The following UBE2K variants were observed in gnomAD, a reference collection of about 807,000 sequenced individuals.
UBE2K encodes the protein ubiquitin conjugating enzyme E2 K, also known as ubiquitin-conjugating enzyme E2 K.
Under a neutral mutation model 30.0 loss-of-function variants are expected in UBE2K, and 6 were observed. The observed-to-expected ratio is 0.20, with a 90% CI of 0.11 to 0.39. The LOEUF is 0.39. Among genes scored for constraint, UBE2K ranks in the 10% least tolerant of loss-of-function variants. The probability of loss-of-function intolerance (pLI) is 1.00; values close to 1 mark genes in which losing one functional copy is unlikely to be tolerated. For missense variants in UBE2K, 61 were observed against 241.6 expected (o/e 0.25, Z 4.96); for synonymous variants, 86 against 83.7 (o/e 1.03, Z -0.15).
chr4:39,703,869 C>CT (rs1718177981), intron 1 of UBE2K, among the ~76,000 whole-genome samples: 1 of 144,666 alleles, frequency 6.9e-6, no homozygotes, highest in Admixed American at 7.0e-5. Context: ...AAAAAGAATA[C>CT]TTTGAGACTT....
chr4:39,770,671 G>T, intron 4 of UBE2K: 2 of 1,580,122 alleles, frequency 1.3e-6, no homozygotes, highest in Non-Finnish European at 8.6e-7. Context: ...CCCTGCGGTG[G>T]GGCCACAGTG....
At chr4:39,762,352 A>G (rs187798075) in intron 4 of UBE2K, among the ~76,000 whole-genome samples, 20 of 151,500 alleles carry the variant, frequency 1.3e-4, no homozygotes, top group African/African-American at 4.6e-4. Context: ...TTGACCCCCT[A>G]CTCCTGGTCT....
At chr4:39,773,475 TAAAAG>T (rs1052596728) in intron 4 of UBE2K, among the ~76,000 whole-genome samples, 17 of 149,748 alleles carry the variant, frequency 1.1e-4, no homozygotes, top group African/African-American at 1.5e-4. Flanking sequence ...CTCAAGAAAA[TAAAAG>T]AAAAGAAAAA....
In UBE2K at chr4:39,752,368, G is replaced by C. The variant is rs1721313645; in HGVS notation, c.217-3289G>C. ...TTTTTTTTTTTTGAGACGGCGTCTG[G>C]CTCTGTCGCCCAGGCTGGAGTGCAG... is the stretch of plus-strand genomic sequence containing the variant. On this transcript the variant is annotated intron_variant, in intron 3 of 6. Transcript: ENST00000261427. Among the ~76,000 whole-genome samples, 3 of 123,466 alleles carry C rather than the reference G, an allele frequency of 2.4e-5. No homozygotes were observed. In the South Asian group the frequency reaches 7.5e-4, roughly 31 times the overall value. 81.0% of individuals were successfully genotyped at this position (123,466 alleles called of 152,430 possible).
At chr4:39,770,155 CCTT>C (rs1712684959) in intron 4 of UBE2K, 1 of 1,604,688 alleles carries the variant, frequency 6.2e-7, no homozygotes, top group African/African-American at 1.3e-5. Flanking sequence ...CCGTGTTGCT[CCTT>C]GAGATGCCGC....
At chr4:39,772,529 T>A (rs1193825606) in intron 4 of UBE2K, among the ~76,000 whole-genome samples, 1 of 152,000 alleles carries the variant, frequency 6.6e-6, no homozygotes, top group Admixed American at 6.6e-5. Context: ...GAGCCTTGAT[T>A]GTACCACTGC....
At chr4:39,768,714 G>T (rs896361935) in intron 4 of UBE2K, among the ~76,000 whole-genome samples, 3 of 152,130 alleles carry the variant, frequency 2.0e-5, no homozygotes, top group Non-Finnish European at 2.9e-5. Flanking sequence ...ACTCCATACT[G>T]TTTTTCCATA....
Position 39,714,544 on chromosome 4 carries a change from A to ATTTTTTTTTTT in UBE2K, c.63+16155_63+16156insTTTTTTTTTTT, listed in dbSNP as rs1337587267. 150 of 21,050 alleles carry ATTTTTTTTTTT rather than the reference A, an allele frequency of 7.1e-3. 8 individuals carry two copies. The highest frequency in any genetic ancestry group is 8.7e-3 in the Non-Finnish European group (123 of 14,072). The allele number at this position is 21,050 out of a possible 1,614,324, so 1.3% of individuals were successfully genotyped here. A position where few individuals can be genotyped will look rare whatever the true frequency, so the allele number is the denominator to read the frequency against. The stretch of plus-strand genomic sequence containing the variant: ...TATATATATATATATATATATATAT[A>ATTTTTTTTTTT]TATATATTTTTTTTTTTTTTTAAGA... On this transcript the variant is annotated intron_variant, in intron 1 of 6. Coordinates refer to ENST00000261427, the MANE Select transcript of UBE2K (RefSeq NM_005339.5).
At chr4:39,761,469 C>A (rs1413171420) in intron 4 of UBE2K, among the ~76,000 whole-genome samples, 2 of 152,090 alleles carry the variant, frequency 1.3e-5, no homozygotes, top group Non-Finnish European at 2.9e-5. Context: ...GGCCTGAGTC[C>A]TTATGAATGA....
intron 3 of UBE2K, among the ~76,000 whole-genome samples, chr4:39,748,787 G>A (rs1046261473): frequency 2.6e-5 from 4 of 151,354 alleles, no homozygotes; most frequent in Non-Finnish European, 5.9e-5. Flanking sequence ...CTTTAAATAC[G>A]GTATATATGA....
intron 1 of UBE2K, among the ~76,000 whole-genome samples, chr4:39,716,797 A>G (rs1191666298): frequency 6.6e-6 from 1 of 152,120 alleles, no homozygotes; most frequent in Non-Finnish European, 1.5e-5. Context: ...CAGGAATTCA[A>G]GATCAGCCTG....
intron 4 of UBE2K, among the ~76,000 whole-genome samples, chr4:39,762,570 C>G (rs896252012): frequency 6.6e-6 from 1 of 152,174 alleles, no homozygotes. Flanking sequence ...GAAAGAGGAG[C>G]CTGTTTCACA....
intron 2 of UBE2K, among the ~76,000 whole-genome samples, chr4:39,740,540 C>G (rs2067824866): frequency 6.8e-6 from 1 of 146,134 alleles, no homozygotes; most frequent in Admixed American, 6.9e-5. Context: ...GACTCTGTCC[C>G]AAAAAGAAAA....
intron 1 of UBE2K, among the ~76,000 whole-genome samples, chr4:39,728,785 C>G (rs1324180103): frequency 6.6e-6 from 1 of 151,494 alleles, no homozygotes; most frequent in East Asian, 1.9e-4. Context: ...ACTATAGGCG[C>G]CCGCCACCAC....
chr4:39,777,743 G>C lies in UBE2K; in HGVS notation c.461G>C (p.Gly154Ala). ...TARLWAHVYA[G>A]APVSSPEYTK... The stretch of plus-strand genomic sequence containing the variant: ...CGACTTTGGGCACATGTGTATGCTG[G>C]AGCACCAGTTTCTAGTCCAGAATAC... The change falls in exon 6 of 7, where the codon GGA (glycine) becomes GCA (alanine). Residue 154 changes from glycine (G) to alanine (A), a missense_variant. Gly to Ala is a moderately conservative substitution (Grantham distance 60). Transcript: ENST00000261427. 6 of 1,570,304 alleles carry C rather than the reference G, an allele frequency of 3.8e-6. No individual in the cohort carries two copies. Among genetic ancestry groups the C allele is most frequent in the Non-Finnish European group, 4.3e-6 (5 of 1,165,728 alleles).
chr4:39,755,214 C>G (rs976591311), intron 3 of UBE2K, among the ~76,000 whole-genome samples: 1 of 152,192 alleles, frequency 6.6e-6, no homozygotes, highest in Non-Finnish European at 1.5e-5. Flanking sequence ...AGCACAGCCA[C>G]TTACTATTTG....
chr4:39,740,547 A>G (rs78663699), intron 2 of UBE2K, among the ~76,000 whole-genome samples: 2 of 144,748 alleles, frequency 1.4e-5, no homozygotes, highest in Non-Finnish European at 3.1e-5. Flanking sequence ...TCCCAAAAAG[A>G]AAAAAAAAAA....
At chr4:39,741,086 C>A (rs1560360556) in intron 2 of UBE2K, among the ~76,000 whole-genome samples, 4 of 152,036 alleles carry the variant, frequency 2.6e-5, no homozygotes. Flanking sequence ...GCCTGACCAA[C>A]GTGGTGAAAC....
intron 4 of UBE2K, among the ~76,000 whole-genome samples, chr4:39,774,125 C>T (rs905089591): frequency 3.3e-5 from 5 of 151,294 alleles, no homozygotes; most frequent in Admixed American, 2.6e-4. Context: ...GGCAAAACCC[C>T]GTCTTTACGA....
Sources: allele counts gnomAD v4.1 joint callset (sites outside exome capture counted in the v4.1 genomes callset), GRCh38; gene constraint gnomAD v4.1.1; transcripts MANE v1.5; gene names NCBI Gene and HGNC (gene_info 2026-07-23, HGNC 2026-07-21).